Variants in GALNT13 observed in about 807,000 individuals in gnomAD.
GALNT13 encodes the protein UDP-GalNAc:polypeptide N-acetylgalactosaminyltransferase 13.
A neutral mutation model predicts 64.2 loss-of-function variants in GALNT13; 28 were observed. The ratio of observed to expected loss-of-function variants is 0.44; its 90% CI spans 0.32 to 0.60. The LOEUF is 0.60. Among genes scored for constraint, GALNT13 ranks in the 20% least tolerant of loss-of-function variants. GALNT13 has a pLI of 0.05. For missense variants in GALNT13, 577 were observed against 669.8 expected (o/e 0.86, Z 1.53); for synonymous variants, 214 against 224.6 (o/e 0.95, Z 0.42).
At chr2:153,240,869 G>T in the GALNT13 span, among the ~76,000 whole-genome samples, 2 of 152,044 alleles carry the variant, frequency 1.3e-5, no homozygotes, top group Admixed American at 6.6e-5. Flanking sequence ...TGGGTTTTCT[G>T]TAGCCCCATG....
chr2:153,305,689 A>G, the GALNT13 span, among the ~76,000 whole-genome samples: 1 of 152,140 alleles, frequency 6.6e-6, no homozygotes, highest in South Asian at 2.1e-4. Context: ...ATCCTGATCC[A>G]GTTGATCTGG....
intron 3 of GALNT13, among the ~76,000 whole-genome samples, chr2:153,981,928 T>A (rs1694493292): frequency 6.6e-6 from 1 of 152,048 alleles, no homozygotes; most frequent in Non-Finnish European, 1.5e-5. Context: ...CTATATATAT[T>A]ATCATGTCTA....
intron 4 of GALNT13, among the ~76,000 whole-genome samples, chr2:154,230,622 C>T (rs953396889): frequency 1.3e-5 from 2 of 151,958 alleles, no homozygotes; most frequent in Admixed American, 6.6e-5. Flanking sequence ...GAAATAACTC[C>T]AATGGTAATA....
intron 11 of GALNT13, chr2:154,436,496 C>T (rs1049055826): frequency 5.3e-5 from 8 of 152,150 alleles, no homozygotes; most frequent in Non-Finnish European, 1.0e-4. Flanking sequence ...GGCATTTGTA[C>T]ACTTTAAAAG....
At chr2:154,001,289 G>A (rs1476196359) in intron 3 of GALNT13, among the ~76,000 whole-genome samples, 1 of 151,838 alleles carries the variant, frequency 6.6e-6, no homozygotes, top group African/African-American at 2.4e-5. Context: ...TATATTCAAA[G>A]TTATTGTTGA....
the GALNT13 span, among the ~76,000 whole-genome samples, chr2:153,300,317 T>C: frequency 6.6e-6 from 1 of 152,256 alleles, no homozygotes; most frequent in East Asian, 1.9e-4. Flanking sequence ...GTGTTTTTAA[T>C]TGATATGAGA....
chr2:153,709,275 AAAC>A, the GALNT13 span, among the ~76,000 whole-genome samples: 497 of 152,176 alleles, frequency 3.3e-3, 4 homozygotes, highest in African/African-American at 0.011. Context: ...GAATAGCAAA[AAAC>A]AACAACAACA....
chr2:153,576,846 G>A, the GALNT13 span, among the ~76,000 whole-genome samples: 2 of 151,946 alleles, frequency 1.3e-5, no homozygotes, highest in African/African-American at 2.4e-5. Flanking sequence ...TTTTATTCTC[G>A]ATGGTCTCTT....
intron 3 of GALNT13, among the ~76,000 whole-genome samples, chr2:154,095,753 T>C (rs901251204): frequency 6.6e-6 from 1 of 152,020 alleles, no homozygotes; most frequent in African/African-American, 2.4e-5. Flanking sequence ...ATTAAATAAT[T>C]CACACATTTT....
chr2:154,143,751 C>T (rs1041696507), intron 4 of GALNT13, among the ~76,000 whole-genome samples: 4 of 149,990 alleles, frequency 2.7e-5, no homozygotes, highest in Non-Finnish European at 4.4e-5. Context: ...ATCCCAGCTA[C>T]TCAGGAGGCT....
chr2:153,499,974 C>G, the GALNT13 span, among the ~76,000 whole-genome samples: 1 of 152,146 alleles, frequency 6.6e-6, no homozygotes, highest in African/African-American at 2.4e-5. Context: ...CCGCCTGCTG[C>G]TTGTTCCCAC....
the GALNT13 span, among the ~76,000 whole-genome samples, chr2:153,112,428 T>C: frequency 2.6e-5 from 4 of 151,244 alleles, no homozygotes; most frequent in Admixed American, 6.6e-5. Context: ...CCCACTGATA[T>C]AAGCCACATC....
intron 3 of GALNT13, among the ~76,000 whole-genome samples, chr2:154,077,271 T>G (rs1422653725): frequency 6.6e-6 from 1 of 151,520 alleles, no homozygotes; most frequent in Non-Finnish European, 1.5e-5. Flanking sequence ...GATTTGCAAG[T>G]TTTTATAGGT....
chr2:153,228,854 A>G, the GALNT13 span, among the ~76,000 whole-genome samples: 1 of 139,418 alleles, frequency 7.2e-6, no homozygotes, highest in Non-Finnish European at 1.5e-5. Context: ...CCCTGGTGAC[A>G]GAGCGAGACT....
At chr2:154,178,542 T>C (rs1425080501) in intron 4 of GALNT13, among the ~76,000 whole-genome samples, 2 of 152,102 alleles carry the variant, frequency 1.3e-5, no homozygotes, top group African/African-American at 2.4e-5. Context: ...GTTGTGCACA[T>C]GTACCCTAAA....
At chr2:153,882,270 A>G (rs1286660819) in intron 1 of GALNT13, among the ~76,000 whole-genome samples, 3 of 152,066 alleles carry the variant, frequency 2.0e-5, no homozygotes, top group Non-Finnish European at 4.4e-5. Context: ...CTGAGGCTCA[A>G]TAATGCTGAA....
the GALNT13 span, chr2:153,421,333 T>C: frequency 4.7e-5 from 10 of 212,486 alleles, no homozygotes; most frequent in Non-Finnish European, 1.1e-4. Flanking sequence ...GTAGTTTGGG[T>C]GCTCAGTATT....
chr2:153,411,798 A>C, the GALNT13 span, among the ~76,000 whole-genome samples: 2 of 152,282 alleles, frequency 1.3e-5, no homozygotes, highest in African/African-American at 4.8e-5. Flanking sequence ...AAAACCAATA[A>C]AATTTTGCTA....
intron 3 of GALNT13, 133 bp downstream of exon 3, chr2:153,944,772 C>A: frequency 1.5e-6 from 1 of 646,050 alleles, no homozygotes; most frequent in Non-Finnish European, 2.6e-6. Context: ...ACTATTAATG[C>A]ATGTTTAACC....
Sources: gnomAD v4.1 joint callset for allele counts (sites outside exome capture counted in the v4.1 genomes callset) on GRCh38, gnomAD v4.1.1 for gene constraint, MANE v1.5 for transcripts, NCBI Gene and HGNC (gene_info 2026-07-23, HGNC 2026-07-21) for gene names.